The following NEO1 variants were observed in gnomAD, a reference collection of about 807,000 sequenced individuals.
The protein encoded by NEO1 is neogenin.
Under a neutral mutation model 159.7 loss-of-function variants are expected in NEO1, and 63 were observed. The observed-to-expected ratio is 0.39, with a 90% CI of 0.32 to 0.49. The LOEUF (loss-of-function observed/expected upper bound fraction) is 0.49. Ranked by LOEUF, NEO1 falls within the 20% of genes least tolerant of loss-of-function variation. The pLI is 0.85. For missense variants in NEO1, 1,615 were observed against 1,831.0 expected, an observed-to-expected ratio of 0.88 and a Z score of 2.15; for synonymous variants, 633 against 662.0, an observed-to-expected ratio of 0.96 and a Z score of 0.67.
intron 7 of NEO1, among the ~76,000 whole-genome samples, chr15:73,182,020 G>C (rs2035641411): frequency 6.6e-6 from 1 of 152,108 alleles, no homozygotes; most frequent in Non-Finnish European, 1.5e-5. Flanking sequence ...TGGCTGGGGA[G>C]GTCTCACAAT....
intron 5 of NEO1, among the ~76,000 whole-genome samples, chr15:73,148,189 A>G (rs1159824819): frequency 2.0e-5 from 3 of 152,298 alleles, no homozygotes; most frequent in African/African-American, 7.2e-5. Flanking sequence ...GGGTATCATC[A>G]AATCTACAAG....
At chr15:73,153,800 GTA>G (rs1336643558) in intron 5 of NEO1, among the ~76,000 whole-genome samples, 2 of 152,076 alleles carry the variant, frequency 1.3e-5, no homozygotes, top group Admixed American at 6.5e-5. Context: ...CTATGTAGAG[GTA>G]TTGTTATTAG....
At chr15:73,145,602 A>G (rs1322274309) in intron 5 of NEO1, among the ~76,000 whole-genome samples, 1 of 152,192 alleles carries the variant, frequency 6.6e-6, no homozygotes, top group African/African-American at 2.4e-5. Context: ...TCCTACAAAA[A>G]TCATGTTTTA....
intron 4 of NEO1, among the ~76,000 whole-genome samples, chr15:73,133,717 T>C (rs1435905775): frequency 6.6e-6 from 1 of 152,208 alleles, no homozygotes; most frequent in Non-Finnish European, 1.5e-5. Flanking sequence ...TTTTTTTTCT[T>C]TGCCTGCATC....
chr15:73,240,917 T>C lies in NEO1; in HGVS notation c.1452-3427T>C, dbSNP rs1567574896. Among the ~76,000 whole-genome samples the C allele has an allele frequency of 2.6e-5, 4 of 152,360 alleles. No individual in the cohort carries two copies. The South Asian group carries it at 6.2e-4, about 24-fold the overall frequency. Reference sequence around the variant, plus strand: ...GCTAATTGTTACATAAACAAAACTTTCTTATTAATCTTATCGGCTTAAATT... The same window carrying C: ...GCTAATTGTTACATAAACAAAACTTCCTTATTAATCTTATCGGCTTAAATT... On this transcript the variant is annotated intron_variant, in intron 8 of 28. Transcript: ENST00000261908.
At chr15:73,110,822 G>A (rs948138443) in intron 1 of NEO1, among the ~76,000 whole-genome samples, 13 of 152,104 alleles carry the variant, frequency 8.5e-5, no homozygotes, top group African/African-American at 3.1e-4. Context: ...CTGGGGAGAA[G>A]TATAAGCCAG....
intron 7 of NEO1, among the ~76,000 whole-genome samples, chr15:73,197,349 A>G (rs1211073358): frequency 6.6e-6 from 1 of 152,030 alleles, no homozygotes. Context: ...ACAGAGCGAG[A>G]CTCCATCTCA....
chr15:73,295,125 A>AATATATATATATATATATATATAT (rs10524460), intron 26 of NEO1, among the ~76,000 whole-genome samples: 1,365 of 99,448 alleles, frequency 0.014, 49 homozygotes, highest in South Asian at 0.026. Flanking sequence ...CTAAATATTA[A>AATATATATATATATATATATATAT]ATATATATAT....
intron 1 of NEO1, among the ~76,000 whole-genome samples, chr15:73,104,603 G>T (rs2070580367): frequency 6.6e-6 from 1 of 152,168 alleles, no homozygotes; most frequent in East Asian, 1.9e-4. Context: ...CTAAAATATT[G>T]ATTTGATAGC....
intron 4 of NEO1, among the ~76,000 whole-genome samples, chr15:73,129,116 C>T (rs1473758296): frequency 6.6e-6 from 1 of 152,186 alleles, no homozygotes; most frequent in African/African-American, 2.4e-5. Context: ...TCTTTCCAGA[C>T]TCTAGCACAG....
intron 4 of NEO1, among the ~76,000 whole-genome samples, chr15:73,135,314 C>A (rs2031623039): frequency 6.6e-6 from 1 of 152,152 alleles, no homozygotes; most frequent in Non-Finnish European, 1.5e-5. Flanking sequence ...TGCCCAGCTA[C>A]CACACCCAGG....
intron 5 of NEO1, among the ~76,000 whole-genome samples, chr15:73,170,122 T>C (rs1433908078): frequency 5.9e-5 from 9 of 152,156 alleles, no homozygotes; most frequent in Non-Finnish European, 1.2e-4. Context: ...TCTAAGTATA[T>C]GGAATTATAA....
At chr15:73,095,676 T>G (rs1360399255) in intron 1 of NEO1, among the ~76,000 whole-genome samples, 5 of 38,206 alleles carry the variant, frequency 1.3e-4, no homozygotes, top group Non-Finnish European at 3.5e-4. Context: ...TTTATTTGTT[T>G]TTTTTTTTTT....
chr15:73,260,445 A>G lies in NEO1; in HGVS notation c.2378A>G (p.Tyr793Cys). The G allele has an allele frequency of 1.3e-6, 2 of 1,597,160 alleles. No individual in the cohort carries two copies. Among genetic ancestry groups the G allele is most frequent in the Non-Finnish European group, 1.7e-6 (2 of 1,167,250 alleles). ...QTIKVDYKQRYYTIENLDPSS... is the reference protein window; with the variant it reads ...QTIKVDYKQRCYTIENLDPSS... ...ATCAAAGTGGACTATAAACAGCGCTATTACACCATTGAAAATCTGGGTATG... is the reference window on the plus strand; with the variant it reads ...ATCAAAGTGGACTATAAACAGCGCTGTTACACCATTGAAAATCTGGGTATG... Residue 793 changes from tyrosine (Y) to cysteine (C), a missense_variant, in exon 15 of 29, where the codon TAT becomes TGT. Tyr to Cys is a radical substitution (Grantham distance 194). Transcript: ENST00000261908.
At chr15:73,204,564 T>A (rs1023351996) in intron 7 of NEO1, among the ~76,000 whole-genome samples, 3 of 152,160 alleles carry the variant, frequency 2.0e-5, no homozygotes, top group African/African-American at 7.2e-5. Flanking sequence ...TTGAATCTAC[T>A]GATGAGCCCA....
At chr15:73,207,063 A>G (rs2037280274) in intron 7 of NEO1, among the ~76,000 whole-genome samples, 1 of 152,130 alleles carries the variant, frequency 6.6e-6, no homozygotes, top group African/African-American at 2.4e-5. Context: ...TAATTTTAAG[A>G]GATTTTGGTT....
At chr15:73,171,092 T>C (rs1247632701) in intron 5 of NEO1, among the ~76,000 whole-genome samples, 1 of 151,766 alleles carries the variant, frequency 6.6e-6, no homozygotes, top group East Asian at 1.9e-4. Flanking sequence ...ACTATGGCAA[T>C]GTGGTCAGCA....
intron 1 of NEO1, among the ~76,000 whole-genome samples, chr15:73,059,802 T>C (rs964940776): frequency 6.6e-6 from 1 of 152,214 alleles, no homozygotes; most frequent in Non-Finnish European, 1.5e-5. Context: ...TTATATATCA[T>C]TTCCTCTGAT....
In NEO1 at chr15:73,119,612, T is replaced by C. The variant is rs564567572; in HGVS notation, c.448+2755T>C. Reference sequence around the variant, plus strand: ...GTCTTAACTCCCACTCTCCTTTTTCTCCTGCAGTTCTCCAGAGGCAGCAGG... The same window carrying C: ...GTCTTAACTCCCACTCTCCTTTTTCCCCTGCAGTTCTCCAGAGGCAGCAGG... On this transcript the variant is annotated intron_variant, in intron 2 of 28. Coordinates refer to ENST00000261908, the MANE Select transcript of NEO1 (RefSeq NM_002499.4). Among the ~76,000 whole-genome samples, 29 of 152,324 alleles carry C rather than the reference T, an allele frequency of 1.9e-4. 2 individuals carry two copies. The South Asian group carries it at 5.8e-3, about 30-fold the overall frequency.
Sources: allele counts gnomAD v4.1 joint callset (sites outside exome capture counted in the v4.1 genomes callset), GRCh38; gene constraint gnomAD v4.1.1; transcripts MANE v1.5; gene names NCBI Gene and HGNC (gene_info 2026-07-23, HGNC 2026-07-21).